Variants in IDO2 observed in about 807,000 individuals in gnomAD.
IDO2 encodes indoleamine 2,3-dioxygenase 2.
IDO2 carries 46 observed loss-of-function variants against 45.1 expected under a neutral mutation model. The observed-to-expected ratio is 1.02, with a 90% CI of 0.80 to 1.30. IDO2 has a LOEUF of 1.30. Among genes scored for constraint, IDO2 ranks in the 50% most tolerant of loss-of-function variants. IDO2 has a pLI of 0.00. For missense variants in IDO2, 544 were observed against 491.8 expected (o/e 1.11, Z -1.00); for synonymous variants, 218 against 184.9 (o/e 1.18, Z -1.45).
chr8:39,935,916 G>A (rs1231549602), intron 1 of IDO2, among the ~76,000 whole-genome samples: 2 of 152,176 alleles, frequency 1.3e-5, no homozygotes, highest in Non-Finnish European at 1.5e-5. Context: ...CTATGTGCAA[G>A]TTAAAATCAG....
intron 6 of IDO2, chr8:39,987,502 C>CA (rs957692344): frequency 1.7e-4 from 30 of 171,630 alleles, no homozygotes; most frequent in East Asian, 1.7e-3. Flanking sequence ...TTCATACCTG[C>CA]AAAAAAAAGA....
rs183304842 is a variant in IDO2 at position 39,934,810 on chromosome 8, A to G, written c.-426A>G. On this transcript the variant is annotated 5_prime_UTR_variant, in exon 1 of 11. The change abolishes an upstream ATG in the 5' untranslated region. Coordinates refer to ENST00000502986, the Ensembl canonical transcript of IDO2. ...AGTGGCAGCCAGAGAACTGAGCCCA[A>G]TGAATGCAAAGGCTGGTGCCTGGAA... 1.9e-4 allele frequency: 62 copies of G among 331,366 alleles called. No homozygotes were observed. The highest frequency in any genetic ancestry group is 1.1e-3 in the East Asian group (12 of 11,018). The allele number at this position is 331,366 out of a possible 1,614,324, so 20.5% of individuals were successfully genotyped here. A position where few individuals can be genotyped will look rare whatever the true frequency, so the allele number is the denominator to read the frequency against.
intron 2 of IDO2, among the ~76,000 whole-genome samples, chr8:39,961,420 T>C (rs1252063063): frequency 2.7e-5 from 4 of 148,596 alleles, no homozygotes; most frequent in South Asian, 4.3e-4. Flanking sequence ...CCTCCCAGGT[T>C]CAAGCGATTC....
chr8:39,994,445 C>T (rs559002748), intron 8 of IDO2, among the ~76,000 whole-genome samples: 64 of 152,076 alleles, frequency 4.2e-4, no homozygotes, highest in Non-Finnish European at 6.3e-4. Context: ...TTAGTAGAGA[C>T]GGGCTTTCTC....
intron 2 of IDO2, among the ~76,000 whole-genome samples, chr8:39,961,430 C>T (rs1807995641): frequency 6.8e-6 from 1 of 147,786 alleles, no homozygotes; most frequent in Admixed American, 7.0e-5. Context: ...TCAAGCGATT[C>T]TCCTACATCA....
At chr8:40,011,783 G>A (rs1368173902) in intron 9 of IDO2, among the ~76,000 whole-genome samples, 1 of 152,216 alleles carries the variant, frequency 6.6e-6, no homozygotes, top group Non-Finnish European at 1.5e-5. Flanking sequence ...GGCTCAGAGA[G>A]GTTAATGAAC....
intron 2 of IDO2, among the ~76,000 whole-genome samples, chr8:39,951,587 C>T (rs529531899): frequency 6.6e-6 from 1 of 152,254 alleles, no homozygotes; most frequent in Admixed American, 6.5e-5. Flanking sequence ...AGATCTGGTG[C>T]CACCTCCACT....
At chr8:39,972,068 C>T (rs973860777) in intron 3 of IDO2, among the ~76,000 whole-genome samples, 2 of 152,144 alleles carry the variant, frequency 1.3e-5, no homozygotes, top group Non-Finnish European at 2.9e-5. Flanking sequence ...CCTTGGCCTC[C>T]CAAAGTGCTG....
chr8:39,955,698 A>G (rs1807882139), intron 2 of IDO2, among the ~76,000 whole-genome samples: 1 of 152,194 alleles, frequency 6.6e-6, no homozygotes, highest in Admixed American at 6.5e-5. Context: ...AAAAAAGAAG[A>G]AAAGAAATCT....
In IDO2 at chr8:39,981,844, TAC is replaced by T. The variant is rs1164998462; in HGVS notation, c.316-807_316-806del. 5.9e-4 allele frequency among the ~76,000 whole-genome samples: 90 copies of T among 152,318 alleles called. 1 individual carries two copies. The highest frequency in any genetic ancestry group is 3.4e-3 in the Middle Eastern group (1 of 294). On this transcript the variant is annotated intron_variant, in intron 4 of 10. Coordinates refer to ENST00000502986, the Ensembl canonical transcript of IDO2. ...TTTGAATCTAGACTCGTTCAGCCTT[TAC>T]CTCCGATAGAGAACCTCATACAGCT...
intron 10 of IDO2, among the ~76,000 whole-genome samples, chr8:40,014,776 C>A (rs75669483): frequency 6.6e-6 from 1 of 152,134 alleles, no homozygotes; most frequent in African/African-American, 2.4e-5. Context: ...CATTTGAGTA[C>A]GTGAAGTCTG....
intron 3 of IDO2, among the ~76,000 whole-genome samples, chr8:39,967,763 C>T (rs929277289): frequency 6.6e-6 from 1 of 151,654 alleles, no homozygotes; most frequent in Non-Finnish European, 1.5e-5. Context: ...GCTGGGATTA[C>T]AGGCGTGAGC....
chr8:40,015,971 A>AAAG, exon 11 of IDO2: 1 of 373,686 alleles, frequency 2.7e-6, no homozygotes, highest in Non-Finnish European at 4.8e-6. Flanking sequence ...TTCTTAAAAA[A>AAAG]CAAATTCACT....
chr8:39,967,777 C>T (rs868147466), intron 3 of IDO2, among the ~76,000 whole-genome samples: 10 of 152,198 alleles, frequency 6.6e-5, no homozygotes, highest in Non-Finnish European at 1.0e-4. Flanking sequence ...CGTGAGCCAC[C>T]GTGCTGGCCT....
intron 8 of IDO2, among the ~76,000 whole-genome samples, chr8:39,994,911 T>C (rs1802010273): frequency 6.6e-6 from 1 of 152,140 alleles, no homozygotes; most frequent in Admixed American, 6.6e-5. Flanking sequence ...AAAAACTATA[T>C]GATGTTATAT....
intron 2 of IDO2, among the ~76,000 whole-genome samples, chr8:39,954,408 G>A (rs915880944): frequency 2.0e-5 from 3 of 152,102 alleles, no homozygotes; most frequent in East Asian, 1.9e-4. Context: ...TAGTATAGTC[G>A]TTTGCCAGAG....
intron 9 of IDO2, among the ~76,000 whole-genome samples, chr8:40,010,082 G>A (rs1314370805): frequency 6.6e-6 from 1 of 152,030 alleles, no homozygotes; most frequent in Non-Finnish European, 1.5e-5. Flanking sequence ...TCTAATAAAA[G>A]CGTCATACAA....
At chr8:39,981,446 A>G (rs577148128) in intron 4 of IDO2, among the ~76,000 whole-genome samples, 7 of 152,170 alleles carry the variant, frequency 4.6e-5, no homozygotes, top group African/African-American at 7.2e-5. Context: ...CCCTCTGCAA[A>G]CCATTATCCT....
rs1187718262 is a variant in IDO2, at chr8:40,005,371, C to T, written c.712C>T (p.Leu238Phe). ...ATTTTATGCAGGCATCCGGATCTTT[C>T]TCTCTGGGTAAGTATAGTTCAGTTG... The change falls in exon 9 of 11, where the codon CTC becomes TTC. Residue 238 changes from leucine (L) to phenylalanine (F), a missense_variant. Physicochemically the swap from Leu to Phe is conservative, Grantham distance 22. Coordinates refer to ENST00000502986, the Ensembl canonical transcript of IDO2. 102 of 1,567,656 alleles carry T rather than the reference C, an allele frequency of 6.5e-5. No individual in the cohort carries two copies. Among genetic ancestry groups the T allele is most frequent in the Non-Finnish European group, 8.6e-5 (99 of 1,149,798 alleles).
Sources: gnomAD v4.1 joint callset for allele counts (sites outside exome capture counted in the v4.1 genomes callset) on GRCh38, gnomAD v4.1.1 for gene constraint, MANE v1.5 for transcripts, NCBI Gene and HGNC (gene_info 2026-07-23, HGNC 2026-07-21) for gene names.